Variants in KPNA3 observed in about 807,000 individuals in gnomAD.
KPNA3 encodes karyopherin subunit alpha 3.
Under a neutral mutation model 73.8 loss-of-function variants are expected in KPNA3, and 13 were observed. The ratio of observed to expected loss-of-function variants is 0.18; its 90% CI spans 0.11 to 0.28. KPNA3 has a LOEUF of 0.28. Ranked by LOEUF, KPNA3 falls within the 10% of genes least tolerant of loss-of-function variation. KPNA3 has a pLI of 1.00. For synonymous variants in KPNA3, 186 were observed against 206.9 expected (o/e 0.90, Z 0.87); for missense variants, 360 against 618.1 (o/e 0.58, Z 4.43).
At chr13:49,753,236 G>C (rs1157053861) in intron 1 of KPNA3, among the ~76,000 whole-genome samples, 4 of 151,932 alleles carry the variant, frequency 2.6e-5, no homozygotes, top group African/African-American at 4.8e-5. Context: ...CAAGTACCTG[G>C]GGAATCCATC....
intron 1 of KPNA3, among the ~76,000 whole-genome samples, chr13:49,753,258 A>G (rs1566351230): frequency 6.6e-6 from 1 of 152,266 alleles, no homozygotes; most frequent in East Asian, 1.9e-4. Context: ...AGAAAAACCA[A>G]CACTGAGAAA....
chr13:49,736,754 A>G lies in KPNA3; in HGVS notation c.115-3708T>C, dbSNP rs142311195. Among the ~76,000 whole-genome samples, 8 of 152,292 alleles carry G rather than the reference A, an allele frequency of 5.3e-5. No homozygotes were observed. The East Asian group carries it at 1.3e-3, about 26-fold the overall frequency. On this transcript the variant is annotated intron_variant, in intron 2 of 16. Coordinates refer to ENST00000261667, the MANE Select transcript of KPNA3 (RefSeq NM_002267.4). ...TCACCTGTATAGATTCATGTTATCTACCACCACAGTCAAGATGGTAAACAC... is the reference window on the plus strand; with the variant it reads ...TCACCTGTATAGATTCATGTTATCTGCCACCACAGTCAAGATGGTAAACAC...
chr13:49,761,270 G>A (rs966673176), intron 1 of KPNA3, among the ~76,000 whole-genome samples: 7 of 151,642 alleles, frequency 4.6e-5, no homozygotes, highest in South Asian at 4.2e-4. Context: ...CTCTCCCCAC[G>A]GTCTCCCTCT....
Position 49,699,807 on chromosome 13 carries a change from GAA to G in KPNA3, c.*1991_*1992del, listed in dbSNP as rs888786942. 37 of 152,714 alleles carry G rather than the reference GAA, an allele frequency of 2.4e-4. No homozygotes were observed. The highest frequency in any genetic ancestry group is 7.0e-4 in the African/African-American group (29 of 41,556). The allele number at this position is 152,714 out of a possible 1,614,324, so 9.5% of individuals were successfully genotyped here. ...GATTTGGACTTTTAAGGGTTTCACC[GAA>G]GTTTGTGACCTTAATTAGCTTTTAC... On this transcript the variant is annotated 3_prime_UTR_variant, in exon 17 of 17. Coordinates refer to ENST00000261667, the MANE Select transcript of KPNA3 (RefSeq NM_002267.4).
intron 1 of KPNA3, among the ~76,000 whole-genome samples, chr13:49,760,732 G>A (rs1218421768): frequency 6.6e-6 from 1 of 152,210 alleles, no homozygotes; most frequent in Non-Finnish European, 1.5e-5. Context: ...CATTTGATTA[G>A]AATGACTGGG....
intron 15 of KPNA3, among the ~76,000 whole-genome samples, chr13:49,703,839 T>C (rs1441264063): frequency 1.3e-5 from 2 of 152,184 alleles, no homozygotes; most frequent in African/African-American, 2.4e-5. Flanking sequence ...TTTTTTCTTA[T>C]ATACTAATAA....
intron 6 of KPNA3, among the ~76,000 whole-genome samples, chr13:49,726,091 T>C (rs543273704): frequency 3.9e-5 from 6 of 152,348 alleles, no homozygotes; most frequent in African/African-American, 1.4e-4. Context: ...CAATATATCA[T>C]GTCGATTTTA....
chr13:49,772,238 G>T (rs1954861853), intron 1 of KPNA3, among the ~76,000 whole-genome samples: 3 of 152,164 alleles, frequency 2.0e-5, no homozygotes, highest in East Asian at 3.9e-4. Context: ...AATGAATACG[G>T]TTGTCTTATT....
intron 12 of KPNA3, among the ~76,000 whole-genome samples, chr13:49,706,739 ATTTCT>A (rs1954210710): frequency 7.6e-6 from 1 of 131,000 alleles, no homozygotes; most frequent in South Asian, 2.9e-4. Context: ...ATACAACTGA[ATTTCT>A]TTTTTCTTTT....
At chr13:49,759,073 G>A (rs1954736360) in intron 1 of KPNA3, among the ~76,000 whole-genome samples, 2 of 151,932 alleles carry the variant, frequency 1.3e-5, no homozygotes, top group Admixed American at 6.6e-5. Context: ...AATGTTCAAA[G>A]ACAATACAAT....
At chr13:49,753,575 TTATAAGG>T (rs1437569490) in intron 1 of KPNA3, among the ~76,000 whole-genome samples, 1 of 152,196 alleles carries the variant, frequency 6.6e-6, no homozygotes, top group Non-Finnish European at 1.5e-5. Flanking sequence ...TAAATAGTCC[TTATAAGG>T]TAGGCCCAAT....
chr13:49,737,426 C>T (rs566243158), intron 2 of KPNA3, among the ~76,000 whole-genome samples: 56 of 152,130 alleles, frequency 3.7e-4, no homozygotes, highest in Non-Finnish European at 1.2e-4. Flanking sequence ...ATCTCTATTT[C>T]CCTAATAGCT....
chr13:49,759,443 C>T (rs1954739673), intron 1 of KPNA3, among the ~76,000 whole-genome samples: 1 of 152,158 alleles, frequency 6.6e-6, no homozygotes, highest in Admixed American at 6.5e-5. Context: ...GATTCAAGTG[C>T]ATGACATTTA....
At chr13:49,702,273 A>G (rs1487851351) in intron 16 of KPNA3, 113 bp downstream of exon 16, 1 of 647,306 alleles carries the variant, frequency 1.5e-6, no homozygotes, top group Non-Finnish European at 2.7e-6. Context: ...TCTAATAGAA[A>G]TACAGTACAA....
In KPNA3 at chr13:49,762,214, G is replaced by A. The variant is rs377342506; in HGVS notation, c.70-15221C>T. On this transcript the variant is annotated intron_variant, in intron 1 of 16. Transcript: ENST00000261667. ...GGGAGGGAGGTGGAGGGCAGCCCCC[G>A]CCCGGCCAGCCGCCCCGTCGCGGAG... is the stretch of plus-strand genomic sequence containing the variant. Among the ~76,000 whole-genome samples the A allele has an allele frequency of 2.8e-4, 41 of 147,524 alleles. No individual in the cohort carries two copies. The East Asian group carries it at 6.4e-3, about 23-fold the overall frequency.
At chr13:49,782,874 A>AG (rs1179082020) in intron 1 of KPNA3, among the ~76,000 whole-genome samples, 3 of 152,114 alleles carry the variant, frequency 2.0e-5, no homozygotes, top group Non-Finnish European at 4.4e-5. Flanking sequence ...AGAAAAAAAA[A>AG]AAGCTAAATA....
At chr13:49,767,126 A>G (rs1252739980) in intron 1 of KPNA3, among the ~76,000 whole-genome samples, 1 of 151,980 alleles carries the variant, frequency 6.6e-6, no homozygotes, top group African/African-American at 2.4e-5. Flanking sequence ...TACAAGAATA[A>G]TATCAATTAG....
chr13:49,734,482 A>AAGAAAAAC (rs1226193775), intron 2 of KPNA3, among the ~76,000 whole-genome samples: 1 of 152,182 alleles, frequency 6.6e-6, no homozygotes, highest in Admixed American at 6.5e-5. Flanking sequence ...GGAAAAAGAA[A>AAGAAAAAC]AGAAAAACAA....
intron 1 of KPNA3, among the ~76,000 whole-genome samples, chr13:49,767,071 T>C (rs532939074): frequency 6.6e-6 from 1 of 151,712 alleles, no homozygotes; most frequent in Non-Finnish European, 1.5e-5. Flanking sequence ...GGACATTATG[T>C]CCTAAGAGTT....
Sources: allele counts gnomAD v4.1 joint callset (sites outside exome capture counted in the v4.1 genomes callset), GRCh38; gene constraint gnomAD v4.1.1; transcripts MANE v1.5; gene names NCBI Gene and HGNC (gene_info 2026-07-23, HGNC 2026-07-21).